MYOM1: variants seen among roughly 807,000 people sequenced by gnomAD.
MYOM1 encodes the protein myomesin-1.
Under a neutral mutation model 205.3 loss-of-function variants are expected in MYOM1, and 164 were observed. The ratio of observed to expected loss-of-function variants is 0.80; its 90% CI spans 0.70 to 0.91. The LOEUF is 0.91. Ranked by LOEUF, MYOM1 falls within the 40% of genes least tolerant of loss-of-function variation. MYOM1 has a pLI of 0.00. For synonymous variants in MYOM1, 772 were observed against 789.4 expected, an observed-to-expected ratio of 0.98 and a Z score of 0.37; for missense variants, 2,011 against 2,127.3, an observed-to-expected ratio of 0.95 and a Z score of 1.08.
intron 2 of MYOM1, 124 bp from the exon 3 acceptor site, chr18:3,194,082 T>C: frequency 1.1e-6 from 1 of 923,526 alleles, no homozygotes. Flanking sequence ...ATGTTACAAT[T>C]ATCTCTTATC....
intron 2 of MYOM1, among the ~76,000 whole-genome samples, chr18:3,198,301 C>T (rs560037209): frequency 2.6e-5 from 4 of 152,240 alleles, no homozygotes; most frequent in African/African-American, 7.2e-5. Flanking sequence ...GCATTGTCTC[C>T]GCTGACTGTG....
At position 3,179,721 on chromosome 18, in the gene MYOM1, C is replaced by T. The variant is rs2080701768; in HGVS notation, c.930-3587G>A. Among the ~76,000 whole-genome samples the T allele has an allele frequency of 6.6e-6, 1 of 152,216 alleles. No homozygotes were observed. The highest frequency in any genetic ancestry group is 2.4e-5 in the African/African-American group (1 of 41,452). ...GGAAAAAGAAATCCACTGGCCACTT[C>T]TAATCTCCCGCATTCCCCGTTTAGA... On this transcript the variant is annotated intron_variant, in intron 5 of 37. Coordinates refer to ENST00000356443, the MANE Select transcript of MYOM1 (RefSeq NM_003803.4). The surrounding 1 kb of genome is among the most constrained non-coding windows in gnomAD (Gnocchi z 4.4).
At chr18:3,228,871 G>A in the MYOM1 span, among the ~76,000 whole-genome samples, 2 of 152,124 alleles carry the variant, frequency 1.3e-5, no homozygotes, top group Non-Finnish European at 2.9e-5. The surrounding 1 kb of genome is among the most constrained non-coding windows in gnomAD (Gnocchi z 4.5). Context: ...ATTTGTGTCT[G>A]GTTTCTTTCA....
At chr18:3,203,861 C>T (rs139761915) in intron 2 of MYOM1, among the ~76,000 whole-genome samples, 88 of 151,222 alleles carry the variant, frequency 5.8e-4, no homozygotes, top group East Asian at 1.9e-3. Flanking sequence ...ATCATAGAGA[C>T]GCAAAAATCC....
intron 33 of MYOM1, among the ~76,000 whole-genome samples, chr18:3,079,912 T>C (rs1422047400): frequency 6.6e-6 from 1 of 152,200 alleles, no homozygotes; most frequent in Non-Finnish European, 1.5e-5. Flanking sequence ...AGGCATGTTC[T>C]CTGTCCCGGG....
At chr18:3,159,620 A>T (rs2080352124) in intron 10 of MYOM1, among the ~76,000 whole-genome samples, 1 of 152,220 alleles carries the variant, frequency 6.6e-6, no homozygotes, top group South Asian at 2.1e-4. Context: ...ACGTATAGGC[A>T]AAAGGATGCA....
upstream of MYOM1, among the ~76,000 whole-genome samples, chr18:3,223,567 T>C (rs2081340587): frequency 6.6e-6 from 1 of 152,212 alleles, no homozygotes; most frequent in Admixed American, 6.5e-5. Flanking sequence ...TTCTCATCTG[T>C]AAACTAAAGG....
chr18:3,196,571 C>A (rs1331303937), intron 2 of MYOM1, among the ~76,000 whole-genome samples: 1 of 152,092 alleles, frequency 6.6e-6, no homozygotes, highest in Non-Finnish European at 1.5e-5. Context: ...TGAAAGCAAT[C>A]AAATTAAGCA....
At chr18:3,131,333 A>G (rs570477706) in intron 17 of MYOM1, 42 bp downstream of exon 17, 1 of 1,605,790 alleles carries the variant, frequency 6.2e-7, no homozygotes, top group African/African-American at 1.3e-5. Context: ...TAACATAGAA[A>G]AATCCATTTT....
At chr18:3,192,325 G>C (rs1008133771) in intron 3 of MYOM1, among the ~76,000 whole-genome samples, 1 of 152,156 alleles carries the variant, frequency 6.6e-6, no homozygotes, top group Non-Finnish European at 1.5e-5. Context: ...GTGAAAACAT[G>C]TTTGTCTGGA....
At chr18:3,081,692 T>C (rs1163253082) in intron 33 of MYOM1, among the ~76,000 whole-genome samples, 1 of 152,230 alleles carries the variant, frequency 6.6e-6, no homozygotes, top group African/African-American at 2.4e-5. Flanking sequence ...TGGAATTTGA[T>C]CTATTTTAGC....
At chr18:3,242,316 T>C in the MYOM1 span, among the ~76,000 whole-genome samples, 1 of 152,184 alleles carries the variant, frequency 6.6e-6, no homozygotes, top group Non-Finnish European at 1.5e-5. Flanking sequence ...TTTCCTGTGC[T>C]ATTCTCATGA....
At chr18:3,083,925 T>A in intron 32 of MYOM1, 31 bp from the exon 33 acceptor site, 1 of 1,575,660 alleles carries the variant, frequency 6.3e-7, no homozygotes, top group Non-Finnish European at 8.6e-7. Flanking sequence ...ATTTCATACA[T>A]CTGCATGCCC....
At chr18:3,116,936 A>T (rs943731101) in intron 20 of MYOM1, among the ~76,000 whole-genome samples, 11 of 152,152 alleles carry the variant, frequency 7.2e-5, no homozygotes, top group Non-Finnish European at 2.9e-5. Context: ...AGCTCACTGT[A>T]ACCTCGAGCT....
At chr18:3,223,722 A>C (rs2144287628), upstream of MYOM1, among the ~76,000 whole-genome samples, 1 of 152,316 alleles carries the variant, frequency 6.6e-6, no homozygotes, top group Middle Eastern at 3.4e-3. Context: ...GAATAAAACA[A>C]ATCATCCCTG....
rs555435892 is a variant in MYOM1, at chr18:3,155,211, C to A, written c.1502-123G>T. 1.0e-4 allele frequency: 103 copies of A among 1,000,828 alleles called. No homozygotes were observed. The East Asian group carries it at 2.8e-3, about 27-fold the overall frequency. 62.0% of individuals were successfully genotyped at this position (1,000,828 alleles called of 1,614,324 possible). A position where few individuals can be genotyped will look rare whatever the true frequency, so the allele number is the denominator to read the frequency against. ...GGCTCAATCTTTGGCCCCAACGCAG[C>A]AAGCATCAAATCTTGCTATTTTTTT... On this transcript the variant is annotated intron_variant, in intron 10 of 37. Coordinates refer to ENST00000356443, the MANE Select transcript of MYOM1 (RefSeq NM_003803.4).
At chr18:3,141,850 C>T in intron 14 of MYOM1, 89 bp downstream of exon 14, 2 of 1,519,276 alleles carry the variant, frequency 1.3e-6, no homozygotes, top group South Asian at 1.2e-5. Flanking sequence ...CCTCCTCCCT[C>T]ACTCCATTGT....
At chr18:3,193,341 C>T (rs989500966) in intron 3 of MYOM1, among the ~76,000 whole-genome samples, 11 of 118,346 alleles carry the variant, frequency 9.3e-5, no homozygotes, top group Admixed American at 8.3e-4. Context: ...TATATATGTA[C>T]ATATACATAT....
Position 3,067,047 on chromosome 18 carries a change from T to C in MYOM1, c.*215A>G. 1.7e-6 allele frequency: 1 copy of C among 572,760 alleles called. No homozygotes were observed. The highest frequency in any genetic ancestry group is 2.9e-5 in the East Asian group (1 of 34,126). 35.5% of individuals were successfully genotyped at this position (572,760 alleles called of 1,614,324 possible). On this transcript the variant is annotated 3_prime_UTR_variant, in exon 38 of 38. Coordinates refer to ENST00000356443, the MANE Select transcript of MYOM1 (RefSeq NM_003803.4). ...AAACTGTTTCCTAATCTTCATGCTA[T>C]GAATGGTATTTTCTTAACACATAAT...
Sources: allele counts gnomAD v4.1 joint callset (sites outside exome capture counted in the v4.1 genomes callset), GRCh38; gene constraint gnomAD v4.1.1; non-coding constraint Gnocchi (gnomAD v3.1); transcripts MANE v1.5; gene names NCBI Gene and HGNC (gene_info 2026-07-23, HGNC 2026-07-21).